The following MAP3K12 variants were observed in gnomAD, a reference collection of about 807,000 sequenced individuals.
The protein encoded by MAP3K12 is mitogen-activated protein kinase kinase kinase 12, also known as MAPK-upstream kinase.
Under a neutral mutation model 87.5 loss-of-function variants are expected in MAP3K12, and 14 were observed. That is an observed-to-expected ratio of 0.16 (90% CI 0.11 to 0.25). The LOEUF is 0.25. MAP3K12 is among the 10% of genes least tolerant of loss of function. The pLI, the probability that MAP3K12 is intolerant of heterozygous loss-of-function variation, is 1.00. For synonymous variants in MAP3K12, 469 were observed against 452.5 expected (o/e 1.04, Z -0.46); for missense variants, 802 against 1,140.4 (o/e 0.70, Z 4.27).
At chr12:53,497,555 T>C (rs949457240) in intron 1 of MAP3K12, among the ~76,000 whole-genome samples, 2 of 152,216 alleles carry the variant, frequency 1.3e-5, no homozygotes, top group Non-Finnish European at 2.9e-5. Context: ...GACCAGTCTC[T>C]GTGGCCAGGC....
At chr12:53,490,609 T>C (rs1592718106) in intron 1 of MAP3K12, among the ~76,000 whole-genome samples, 2 of 151,932 alleles carry the variant, frequency 1.3e-5, no homozygotes, top group South Asian at 2.1e-4. Context: ...CCGTGTGTGG[T>C]GGCAGGCGCC....
At chr12:53,488,586 G>A (rs776300298) in intron 1 of MAP3K12, among the ~76,000 whole-genome samples, 8 of 151,392 alleles carry the variant, frequency 5.3e-5, no homozygotes, top group African/African-American at 1.5e-4. Flanking sequence ...GCTTAAACCC[G>A]GGAGGCTGAG....
In MAP3K12 at chr12:53,482,207, G is replaced by A; in HGVS notation, c.2314C>T (p.Pro772Ser). The A allele has an allele frequency of 1.9e-6, 3 of 1,614,120 alleles. No homozygotes were observed. The highest frequency in any genetic ancestry group is 3.3e-5 in the Admixed American group (2 of 60,022). ...EVELTSSQRW[P>S]QSLNMRQSLS... ...GACTGGCGCATGTTCAGGCTCTGAG[G>A]CCACCTACATGTTGAAGAGGGGGAT... Residue 772 changes from proline (P) to serine (S), a missense_variant, in exon 13 of 14, where the codon CCT becomes TCT. Transcript: ENST00000547488.
Position 53,481,223 on chromosome 12 carries a change from T to C in MAP3K12, c.2638A>G (p.Ser880Gly). The C allele has an allele frequency of 6.4e-7, 1 of 1,562,174 alleles. No homozygotes were observed. Among genetic ancestry groups the C allele is most frequent in the Non-Finnish European group, 8.7e-7 (1 of 1,153,196 alleles). ...CDSTELDNSN[S>G]VDALRPPASL... ...GCTGGGGGCCGCAAGGCATCAACGCTGTTGGAGTTGTCCAATTCAGTGCTG... is the reference window on the plus strand; with the variant it reads ...GCTGGGGGCCGCAAGGCATCAACGCCGTTGGAGTTGTCCAATTCAGTGCTG... Residue 880 changes from serine (S) to glycine (G), a missense_variant, in exon 14 of 14, where the codon AGC becomes GGC. Transcript: ENST00000547488.
chr12:53,487,788 A>G (rs766081173), intron 1 of MAP3K12: 11 of 180,248 alleles, frequency 6.1e-5, no homozygotes, highest in African/African-American at 9.5e-5. Context: ...TGACTAATTC[A>G]TTGCTGCAGC....
chr12:53,501,149 G>A (rs1457661730), upstream of MAP3K12: 1 of 548,850 alleles, frequency 1.8e-6, no homozygotes, highest in Non-Finnish European at 3.2e-6. Context: ...GAGAAGCGAC[G>A]GCGGAGGGCC....
At chr12:53,492,381 G>GT (rs1943437310) in intron 1 of MAP3K12, among the ~76,000 whole-genome samples, 1 of 152,112 alleles carries the variant, frequency 6.6e-6, no homozygotes, top group Non-Finnish European at 1.5e-5. Flanking sequence ...CACGCAGAAG[G>GT]TGCTCGGTAA....
At position 53,485,714 on chromosome 12, in the gene MAP3K12, CCTGA is replaced by C. The variant is rs577799942; in HGVS notation, c.822-243_822-240del. Reference sequence around the variant, plus strand: ...GAGACTACGGGCACTCGCCACCACGCCTGACTAATTTTTTTGTATTTTTATTAGA... The same window carrying C: ...GAGACTACGGGCACTCGCCACCACGCCTAATTTTTTTGTATTTTTATTAGA... On this transcript the variant is annotated intron_variant, in intron 4 of 13. Transcript: ENST00000547488. 136 of 536,930 alleles carry C rather than the reference CCTGA, an allele frequency of 2.5e-4. 1 individual carries two copies. Among genetic ancestry groups the C allele is most frequent in the African/African-American group, 1.9e-3 (99 of 52,782 alleles). 33.3% of individuals were successfully genotyped at this position (536,930 alleles called of 1,614,324 possible).
upstream of MAP3K12, chr12:53,501,327 G>A (rs1943690140): frequency 1.3e-5 from 20 of 1,509,422 alleles, no homozygotes; most frequent in Non-Finnish European, 1.6e-5. Flanking sequence ...TCCGGGCTTG[G>A]CCCCGGCCCT....
upstream of MAP3K12, among the ~76,000 whole-genome samples, chr12:53,499,791 C>T (rs962260374): frequency 3.9e-5 from 6 of 152,200 alleles, no homozygotes; most frequent in Non-Finnish European, 8.8e-5. Context: ...CAGGCTCGTA[C>T]CTGGCCCGCC....
chr12:53,482,998 T>A lies in MAP3K12; in HGVS notation c.1805A>T (p.His602Leu). The A allele has an allele frequency of 6.4e-7, 1 of 1,574,516 alleles. No homozygotes were observed. The highest frequency in any genetic ancestry group is 8.6e-7 in the Non-Finnish European group (1 of 1,160,784). The part of the protein sequence containing the change: ...LPGLRTAVPP[H>L]EPGGPGSPGG... ...TGGGCTTCCTGGTCCTCCAGGTTCA[T>A]GGGGTGGCACAGCTGTACGAAGCCC... The change falls in exon 11 of 14, where the codon CAT becomes CTT. Residue 602 changes from histidine to leucine, a missense_variant. This residue lies in a region of MAP3K12 where 490 missense variants were observed against 496.6 expected (regional missense o/e 0.99). Transcript: ENST00000547488.
At position 53,482,696 on chromosome 12, in the gene MAP3K12, C is replaced by G; in HGVS notation, c.2107G>C (p.Gly703Arg). ...GAKGEPPPPV[G>R]PGEGVGLLGT... ...AGAAGCCCCACACCTTCACCAGGCCCTACTGGAGGAGGTGGTTCCCCTTTG... is the reference window on the plus strand; with the variant it reads ...AGAAGCCCCACACCTTCACCAGGCCGTACTGGAGGAGGTGGTTCCCCTTTG... The change falls in exon 11 of 14, where the codon GGG (glycine) becomes CGG (arginine). Residue 703 changes from glycine (G) to arginine (R), a missense_variant. By Grantham distance (125) the Gly-to-Arg change is moderately radical (BLOSUM62 -2). Coordinates refer to ENST00000547488, the MANE Select transcript of MAP3K12 (RefSeq NM_001193511.2). 6.2e-7 allele frequency: 1 copy of G among 1,614,036 alleles called. No individual in the cohort carries two copies. Among genetic ancestry groups the G allele is most frequent in the Non-Finnish European group, 8.5e-7 (1 of 1,180,034 alleles).
chr12:53,486,768 G>C lies in MAP3K12; in HGVS notation c.446-146C>G. ...GCCAAGAAGAAGGTTCGAGGGGACA[G>C]GGAAGGAATGAATGGGTGGCCTTAA... On this transcript the variant is annotated intron_variant, in intron 2 of 13. Transcript: ENST00000547488. This position sits in a 1 kb window ranked among gnomAD's most constrained non-coding sequence, Gnocchi z 4.9. 6.8e-7 allele frequency: 1 copy of C among 1,462,598 alleles called. No homozygotes were observed. Among genetic ancestry groups the C allele is most frequent in the Non-Finnish European group, 9.0e-7 (1 of 1,112,874 alleles). 90.6% of individuals were successfully genotyped at this position (1,462,598 alleles called of 1,614,324 possible).
At chr12:53,495,339 CAAAAAAAAAA>C (rs10647631) in intron 1 of MAP3K12, among the ~76,000 whole-genome samples, 6 of 19,378 alleles carry the variant, frequency 3.1e-4, no homozygotes, top group South Asian at 0.01. Flanking sequence ...ACTCTGTCTC[CAAAAAAAAAA>C]AAAAAAAAAA....
chr12:53,499,772 G>C (rs886345901), upstream of MAP3K12, among the ~76,000 whole-genome samples: 4 of 152,174 alleles, frequency 2.6e-5, no homozygotes, highest in African/African-American at 9.7e-5. Flanking sequence ...GCTGCCATCC[G>C]GCGCGCTCCA....
intron 5 of MAP3K12, 49 bp from the exon 6 acceptor site, chr12:53,485,263 C>G (rs770315467): frequency 1.2e-6 from 2 of 1,601,010 alleles, no homozygotes; most frequent in African/African-American, 2.7e-5. Flanking sequence ...AAGTTGCCCA[C>G]AATCCCCCCA....
chr12:53,493,126 G>A (rs892257795), intron 1 of MAP3K12: 2 of 152,528 alleles, frequency 1.3e-5, no homozygotes, highest in African/African-American at 4.8e-5. Flanking sequence ...GAAGCGCTGG[G>A]CGCTGCGGCG....
At chr12:53,488,422 G>A (rs1943299135) in intron 1 of MAP3K12, among the ~76,000 whole-genome samples, 1 of 152,198 alleles carries the variant, frequency 6.6e-6, no homozygotes, top group South Asian at 2.1e-4. Flanking sequence ...AGCACTTTCA[G>A]AGGCCGAGGC....
chr12:53,497,482 T>C (rs554903054), intron 1 of MAP3K12, among the ~76,000 whole-genome samples: 2 of 152,102 alleles, frequency 1.3e-5, no homozygotes, highest in African/African-American at 2.4e-5. Flanking sequence ...ACTGTCACAG[T>C]CTCCTCACCT....
Sources: gnomAD v4.1 joint callset for allele counts (sites outside exome capture counted in the v4.1 genomes callset) on GRCh38, gnomAD v4.1.1 for gene constraint, gnomAD v4.1.1 regional missense constraint, Gnocchi (gnomAD v3.1) non-coding constraint, MANE v1.5 for transcripts, NCBI Gene and HGNC (gene_info 2026-07-23, HGNC 2026-07-21) for gene names.